Variants in TRAPPC9 observed in about 807,000 individuals in gnomAD.
The protein encoded by TRAPPC9 is IKK2 binding protein.
TRAPPC9 carries 83 observed loss-of-function variants against 124.0 expected under a neutral mutation model. That is an observed-to-expected ratio of 0.67 (90% confidence interval 0.56 to 0.80). TRAPPC9 has a LOEUF of 0.80. Among genes scored for constraint, TRAPPC9 ranks in the 30% least tolerant of loss-of-function variants. TRAPPC9 has a pLI of 0.00. For synonymous variants in TRAPPC9, 638 were observed against 617.5 expected, an observed-to-expected ratio of 1.03 and a Z score of -0.49; for missense variants, 1,302 against 1,508.3, an observed-to-expected ratio of 0.86 and a Z score of 2.27.
At position 140,372,749 on chromosome 8, in the gene TRAPPC9, C is replaced by T. The variant is rs539196336; in HGVS notation, c.1135-1569G>A. Among the ~76,000 whole-genome samples the T allele has an allele frequency of 7.1e-4, 108 of 152,280 alleles. 1 individual carries two copies. The Middle Eastern group carries it at 0.024, about 34-fold the overall frequency. On this transcript the variant is annotated intron_variant, in intron 7 of 22. Coordinates refer to ENST00000438773, the MANE Select transcript of TRAPPC9 (RefSeq NM_001160372.4). ...ATGTGAGAACACAGAGAAAAGACGGCGGTCTATGAACAAGCAAGTGGGCCC... is the reference window on the plus strand; with the variant it reads ...ATGTGAGAACACAGAGAAAAGACGGTGGTCTATGAACAAGCAAGTGGGCCC...
At chr8:140,239,095 C>A (rs919101239) in intron 16 of TRAPPC9, among the ~76,000 whole-genome samples, 2 of 152,148 alleles carry the variant, frequency 1.3e-5, no homozygotes, top group African/African-American at 2.4e-5. Context: ...GGGCACCAGG[C>A]CAGCCTCCCT....
chr8:140,233,623 C>CACACACACACACA (rs1554648047), intron 16 of TRAPPC9, among the ~76,000 whole-genome samples: 373 of 90,892 alleles, frequency 4.1e-3, no homozygotes, highest in Non-Finnish European at 6.2e-3. Flanking sequence ...TCTCTCCCCA[C>CACACACACACACA]CACACACACA....
At chr8:140,148,580 T>A (rs565819149) in intron 17 of TRAPPC9, among the ~76,000 whole-genome samples, 1 of 152,196 alleles carries the variant, frequency 6.6e-6, no homozygotes, top group Non-Finnish European at 1.5e-5. Flanking sequence ...TTTGGCTACA[T>A]GCCAACATCC....
chr8:140,136,358 T>A (rs969666239), intron 17 of TRAPPC9, among the ~76,000 whole-genome samples: 1 of 152,134 alleles, frequency 6.6e-6, no homozygotes, highest in African/African-American at 2.4e-5. Flanking sequence ...CCCGGCTGCC[T>A]GGCAGGCACA....
intron 2 of TRAPPC9, among the ~76,000 whole-genome samples, chr8:140,440,274 G>A (rs1373759799): frequency 1.3e-5 from 2 of 152,158 alleles, no homozygotes; most frequent in Non-Finnish European, 2.9e-5. Context: ...TTGGGAGACC[G>A]AGGCGGGCGG....
chr8:139,799,319 A>T (rs533441139), intron 21 of TRAPPC9, among the ~76,000 whole-genome samples: 66 of 152,208 alleles, frequency 4.3e-4, no homozygotes, highest in African/African-American at 1.6e-3. Context: ...ATCTGCAAAG[A>T]TCCACCCCAA....
intron 15 of TRAPPC9, among the ~76,000 whole-genome samples, chr8:140,264,596 AG>A (rs1470871111): frequency 3.3e-4 from 7 of 21,022 alleles, no homozygotes; most frequent in Non-Finnish European, 5.1e-4. Context: ...GAGAGAGAGG[AG>A]GGGGAGGGGG....
intron 9 of TRAPPC9, among the ~76,000 whole-genome samples, chr8:140,332,640 TAAAAA>T (rs1006694064): frequency 2.6e-5 from 4 of 152,040 alleles, no homozygotes; most frequent in African/African-American, 9.7e-5. Flanking sequence ...TTTAAAGTTT[TAAAAA>T]AATAAAGATA....
At chr8:140,313,396 T>C (rs2066355433) in intron 9 of TRAPPC9, among the ~76,000 whole-genome samples, 2 of 152,226 alleles carry the variant, frequency 1.3e-5, no homozygotes, top group Admixed American at 6.5e-5. Flanking sequence ...CACCACAGTG[T>C]ATCACTCGGC....
intron 21 of TRAPPC9, among the ~76,000 whole-genome samples, chr8:139,732,626 C>A (rs1040284538): frequency 6.6e-6 from 1 of 152,218 alleles, no homozygotes; most frequent in East Asian, 1.9e-4. Flanking sequence ...CACAGGCAGG[C>A]CCGAGGTCCC....
At chr8:140,187,694 A>T (rs2062383404) in intron 17 of TRAPPC9, among the ~76,000 whole-genome samples, 1 of 152,096 alleles carries the variant, frequency 6.6e-6, no homozygotes, top group African/African-American at 2.4e-5. Flanking sequence ...GTTTTTTTTA[A>T]GACAGGGTCT....
chr8:140,449,510 T>C (rs769132534), intron 2 of TRAPPC9, among the ~76,000 whole-genome samples: 2 of 152,228 alleles, frequency 1.3e-5, no homozygotes, highest in African/African-American at 4.8e-5. Flanking sequence ...TCATCTGCAA[T>C]TTTGATTTGA....
chr8:139,771,960 T>C (rs1820995987), intron 21 of TRAPPC9, among the ~76,000 whole-genome samples: 1 of 152,182 alleles, frequency 6.6e-6, no homozygotes, highest in Non-Finnish European at 1.5e-5. Flanking sequence ...GCTAGGTTTG[T>C]TGAGAAGGGA....
intron 17 of TRAPPC9, among the ~76,000 whole-genome samples, chr8:140,159,495 A>G (rs1183637117): frequency 6.6e-6 from 1 of 152,124 alleles, no homozygotes; most frequent in Non-Finnish European, 1.5e-5. Flanking sequence ...CTACCTCCAA[A>G]TCATGTCCAC....
At chr8:139,809,278 T>C (rs995290129) in intron 21 of TRAPPC9, among the ~76,000 whole-genome samples, 3 of 152,114 alleles carry the variant, frequency 2.0e-5, no homozygotes, top group South Asian at 4.1e-4. Flanking sequence ...TGCAGCAGTC[T>C]GCCCTGAGTG....
In TRAPPC9 at chr8:139,872,344, G is replaced by A. The variant is rs557069913; in HGVS notation, c.3055+13535C>T. Among the ~76,000 whole-genome samples the A allele has an allele frequency of 4.1e-4, 37 of 89,740 alleles. 1 individual carries two copies. Among genetic ancestry groups the A allele is most frequent in the African/African-American group, 7.4e-4 (25 of 34,008 alleles). The allele number at this position is 89,740 out of a possible 152,430, so 58.9% of individuals were successfully genotyped here. The stretch of plus-strand genomic sequence containing the variant: ...GTTGGATGAGTGGATGGATAGATGC[G>A]TAGGCTGGTGGATGGGTTGATGGGT... On this transcript the variant is annotated intron_variant, in intron 21 of 22. Coordinates refer to ENST00000438773, the MANE Select transcript of TRAPPC9 (RefSeq NM_001160372.4).
At chr8:139,955,417 T>C (rs1834908257) in intron 19 of TRAPPC9, among the ~76,000 whole-genome samples, 1 of 149,194 alleles carries the variant, frequency 6.7e-6, no homozygotes, top group Admixed American at 6.6e-5. Flanking sequence ...TCCTCCGAGA[T>C]GGATCCAAGA....
At chr8:139,826,627 C>G (rs1395041289) in intron 21 of TRAPPC9, among the ~76,000 whole-genome samples, 1 of 152,144 alleles carries the variant, frequency 6.6e-6, no homozygotes, top group Non-Finnish European at 1.5e-5. Flanking sequence ...CGGCGATGGA[C>G]AGGAAAGGGC....
intron 17 of TRAPPC9, among the ~76,000 whole-genome samples, chr8:140,057,309 T>A (rs1383477145): frequency 6.6e-6 from 1 of 152,178 alleles, no homozygotes; most frequent in Non-Finnish European, 1.5e-5. Flanking sequence ...ATAGAACTAC[T>A]AAATGATCCA....
Sources: gnomAD v4.1 joint callset for allele counts (sites outside exome capture counted in the v4.1 genomes callset) on GRCh38, gnomAD v4.1.1 for gene constraint, MANE v1.5 for transcripts, NCBI Gene and HGNC (gene_info 2026-07-23, HGNC 2026-07-21) for gene names.